The following PSKH1 variants were observed in gnomAD, a reference collection of about 807,000 sequenced individuals.
PSKH1 encodes protein serine kinase H1.
Under a neutral mutation model 26.7 loss-of-function variants are expected in PSKH1, and 12 were observed. That is an observed-to-expected ratio of 0.45 (90% CI 0.29 to 0.73). The LOEUF is 0.73. PSKH1 is among the 30% of genes least tolerant of loss of function. The pLI, the probability that PSKH1 is intolerant of heterozygous loss-of-function variation, is 0.11. For synonymous variants in PSKH1, 213 were observed against 234.3 expected, an observed-to-expected ratio of 0.91 and a Z score of 0.83; for missense variants, 431 against 595.2, an observed-to-expected ratio of 0.72 and a Z score of 2.87.
At chr16:67,923,118 T>G (rs983192184) in intron 2 of PSKH1, among the ~76,000 whole-genome samples, 11 of 152,104 alleles carry the variant, frequency 7.2e-5, no homozygotes, top group African/African-American at 2.7e-4. Flanking sequence ...GTGCTGCCTC[T>G]CCCTCTCCAG....
At chr16:67,910,855 C>G (rs1278348222) in intron 2 of PSKH1, among the ~76,000 whole-genome samples, 2 of 152,252 alleles carry the variant, frequency 1.3e-5, no homozygotes, top group African/African-American at 4.8e-5. Flanking sequence ...ATTTAAGCAG[C>G]TTCTTGTGCG....
At chr16:67,905,161 C>T (rs1433682299) in intron 1 of PSKH1, among the ~76,000 whole-genome samples, 1 of 152,164 alleles carries the variant, frequency 6.6e-6, no homozygotes, top group Admixed American at 6.6e-5. Context: ...GACCCTCCTT[C>T]AGGTCAACCT....
intron 1 of PSKH1, among the ~76,000 whole-genome samples, chr16:67,902,268 A>T (rs1169975395): frequency 1.3e-5 from 2 of 151,986 alleles, no homozygotes; most frequent in African/African-American, 4.8e-5. Flanking sequence ...TCAAAAAAAA[A>T]AAAAGAAATA....
intron 2 of PSKH1, among the ~76,000 whole-genome samples, chr16:67,920,282 A>G (rs1299575782): frequency 1.3e-5 from 2 of 152,130 alleles, no homozygotes; most frequent in Admixed American, 1.3e-4. Flanking sequence ...TAATAGAGAC[A>G]AGGTCTTGTT....
At chr16:67,894,351 G>A (rs1010438517) in intron 1 of PSKH1, among the ~76,000 whole-genome samples, 8 of 152,150 alleles carry the variant, frequency 5.3e-5, no homozygotes, top group African/African-American at 1.9e-4. Flanking sequence ...CAGGGAGTCT[G>A]GCTTTGTTGC....
intron 1 of PSKH1, among the ~76,000 whole-genome samples, chr16:67,893,768 C>T (rs2058118756): frequency 6.6e-6 from 1 of 152,244 alleles, no homozygotes; most frequent in Admixed American, 6.5e-5. Context: ...TTTGCGTCTG[C>T]CAGGGGCCGG....
Position 67,909,907 on chromosome 16 carries a change from G to T in PSKH1, c.957+201G>T. 1.7e-6 allele frequency: 1 copy of T among 592,096 alleles called. No individual in the cohort carries two copies. The highest frequency in any genetic ancestry group is 3.0e-6 in the Non-Finnish European group (1 of 333,646). The allele number at this position is 592,096 out of a possible 1,614,324, so 36.7% of individuals were successfully genotyped here. ...GCCCTGAGACAAGGACTTGGGAGCA[G>T]ATAGTTTATTTGGGATGTGATTTGA... On this transcript the variant is annotated intron_variant, in intron 2 of 2. Transcript: ENST00000291041. The surrounding 1 kb of genome is among the most constrained non-coding windows in gnomAD (Gnocchi z 7.8).
At chr16:67,918,809 C>T (rs983918343) in intron 2 of PSKH1, among the ~76,000 whole-genome samples, 30 of 152,102 alleles carry the variant, frequency 2.0e-4, no homozygotes, top group Non-Finnish European at 2.6e-4. Flanking sequence ...CCAGGCTGGT[C>T]TGGAACTCCT....
chr16:67,924,558 C>A (rs907359083), intron 2 of PSKH1, among the ~76,000 whole-genome samples: 1 of 152,236 alleles, frequency 6.6e-6, no homozygotes, highest in Non-Finnish European at 1.5e-5. Flanking sequence ...AGTGGTGAAA[C>A]CTCCAGTCCA....
intron 2 of PSKH1, among the ~76,000 whole-genome samples, chr16:67,915,208 AGTGT>A (rs10599179): frequency 0.011 from 1,604 of 143,862 alleles, 28 homozygotes; most frequent in African/African-American, 0.038. Context: ...AGAGAGAGAG[AGTGT>A]GTGTGTGTGT....
chr16:67,923,232 C>T (rs1429120270), intron 2 of PSKH1, among the ~76,000 whole-genome samples: 1 of 152,228 alleles, frequency 6.6e-6, no homozygotes, highest in Admixed American at 6.5e-5. Context: ...GGTCGCTTCC[C>T]ATACCCATTA....
chr16:67,924,326 T>C (rs1218443206), intron 2 of PSKH1, among the ~76,000 whole-genome samples: 2 of 152,152 alleles, frequency 1.3e-5, no homozygotes, highest in Non-Finnish European at 2.9e-5. Context: ...GCGAGAATCT[T>C]GGGGAGCAGC....
chr16:67,905,026 C>T (rs1469117159), intron 1 of PSKH1, among the ~76,000 whole-genome samples: 1 of 151,596 alleles, frequency 6.6e-6, no homozygotes, highest in Non-Finnish European at 1.5e-5. Flanking sequence ...CGGGGTTTCA[C>T]TGTGTTAGCC....
intron 1 of PSKH1, among the ~76,000 whole-genome samples, chr16:67,896,987 GT>G (rs1244490135): frequency 6.6e-6 from 1 of 152,124 alleles, no homozygotes; most frequent in Admixed American, 6.6e-5. Context: ...TGAGACTTTG[GT>G]TTGGCCTTCT....
At position 67,909,792 on chromosome 16, in the gene PSKH1, C is replaced by T. The variant is rs1325983659; in HGVS notation, c.957+86C>T. ...CTGCAGCTCTCAGTCAGAGGTATGT[C>T]CTCAGGGCCATGCTCGTGAGGGCCA... On this transcript the variant is annotated intron_variant, in intron 2 of 2. Transcript: ENST00000291041. The surrounding 1 kb of genome is among the most constrained non-coding windows in gnomAD (Gnocchi z 7.8). 2.4e-6 allele frequency: 3 copies of T among 1,263,466 alleles called. No homozygotes were observed. The highest frequency in any genetic ancestry group is 1.3e-5 in the South Asian group (1 of 76,046). 78.3% of individuals were successfully genotyped at this position (1,263,466 alleles called of 1,614,324 possible). A position where few individuals can be genotyped will look rare whatever the true frequency, so the allele number is the denominator to read the frequency against.
chr16:67,916,231 G>A (rs2058187547), intron 2 of PSKH1, among the ~76,000 whole-genome samples: 1 of 152,174 alleles, frequency 6.6e-6, no homozygotes, highest in Non-Finnish European at 1.5e-5. Context: ...GACCTCTGAC[G>A]CAGCAGCGTT....
At chr16:67,910,868 A>G (rs550835376) in intron 2 of PSKH1, among the ~76,000 whole-genome samples, 9 of 152,272 alleles carry the variant, frequency 5.9e-5, no homozygotes, top group South Asian at 2.1e-4. Flanking sequence ...CTTGTGCGCC[A>G]GCAAACACTA....
At chr16:67,926,298 C>T (rs138638323) in intron 2 of PSKH1, among the ~76,000 whole-genome samples, 21 of 152,320 alleles carry the variant, frequency 1.4e-4, no homozygotes, top group African/African-American at 5.1e-4. Flanking sequence ...CCGGCAGCAC[C>T]GTGGGTTGTT....
In PSKH1 at chr16:67,927,584, T is replaced by C. The variant is rs2058221074; in HGVS notation, c.1217T>C (p.Val406Ala). Residue 406 changes from valine to alanine, a missense_variant, in exon 3 of 3, where the codon GTG becomes GCG. Transcript: ENST00000291041. This position sits in a 1 kb window ranked among gnomAD's most constrained non-coding sequence, Gnocchi z 5.5. ...ACACGCTCCAATAAGTCACGCCGTG[T>C]GCGGGAACGGGAGCTGCGGGAGCTC... ...RSTRSNKSRR[V>A]RERELRELNL... The C allele has an allele frequency of 4.3e-6, 7 of 1,613,202 alleles. No individual in the cohort carries two copies. Among genetic ancestry groups the C allele is most frequent in the Non-Finnish European group, 5.9e-6 (7 of 1,179,946 alleles).
Sources: gnomAD v4.1 joint callset for allele counts (sites outside exome capture counted in the v4.1 genomes callset) on GRCh38, gnomAD v4.1.1 for gene constraint, Gnocchi (gnomAD v3.1) non-coding constraint, MANE v1.5 for transcripts, NCBI Gene and HGNC (gene_info 2026-07-23, HGNC 2026-07-21) for gene names.